Variants in SLAIN1 observed in about 807,000 individuals in gnomAD.
SLAIN1 encodes SLAIN motif-containing protein 1.
A neutral mutation model predicts 55.4 loss-of-function variants in SLAIN1; 17 were observed. The ratio of observed to expected loss-of-function variants is 0.31; its 90% confidence interval spans 0.21 to 0.46. The LOEUF is 0.46. Among genes scored for constraint, SLAIN1 ranks in the 20% least tolerant of loss-of-function variants. The pLI is 1.00. For missense variants in SLAIN1, 682 were observed against 785.1 expected (o/e 0.87, Z 1.57); for synonymous variants, 348 against 337.4 (o/e 1.03, Z -0.35).
At chr13:77,705,907 G>C (rs922510429) in intron 1 of SLAIN1, among the ~76,000 whole-genome samples, 1 of 151,950 alleles carries the variant, frequency 6.6e-6, no homozygotes, top group Non-Finnish European at 1.5e-5. Flanking sequence ...TAGGCTCAAA[G>C]CTATCCTGCT....
Position 77,698,361 on chromosome 13 carries a change from T to C in SLAIN1, c.448T>C (p.Phe150Leu). 1.4e-6 allele frequency: 2 copies of C among 1,440,728 alleles called. No individual in the cohort carries two copies. Among genetic ancestry groups the C allele is most frequent in the East Asian group, 3.1e-5 (1 of 32,028 alleles). The allele number at this position is 1,440,728 out of a possible 1,614,324, so 89.2% of individuals were successfully genotyped here. The change falls in exon 1 of 7, where the codon TTC (phenylalanine) becomes CTC (leucine). Residue 150 changes from phenylalanine (F) to leucine (L), a missense_variant. Transcript: ENST00000418532. The surrounding 1 kb of genome is among the most constrained non-coding windows in gnomAD (Gnocchi z 4.1). ...AQPPEAPFVY[F>L]KPAAGFFGAG... ...GCCACCCGAGGCGCCCTTCGTCTAC[T>C]TCAAGCCGGCAGCAGGCTTCTTCGG...
chr13:77,725,873 CT>C (rs538550107), intron 2 of SLAIN1, among the ~76,000 whole-genome samples: 344 of 152,292 alleles, frequency 2.3e-3, no homozygotes, highest in Non-Finnish European at 2.7e-3. Flanking sequence ...AGGTTGGTTT[CT>C]GTAGGTCCAT....
intron 2 of SLAIN1, among the ~76,000 whole-genome samples, chr13:77,724,723 A>T (rs1398495981): frequency 6.6e-6 from 1 of 151,388 alleles, no homozygotes; most frequent in Admixed American, 6.6e-5. Context: ...GGTTTCAATA[A>T]TTCTCTAATA....
At chr13:77,709,728 C>T (rs531834869) in intron 1 of SLAIN1, among the ~76,000 whole-genome samples, 1 of 152,264 alleles carries the variant, frequency 6.6e-6, no homozygotes, top group East Asian at 1.9e-4. Context: ...ACCTCCAGTC[C>T]TGCCTTACAA....
chr13:77,746,228 G>A (rs1031701479), intron 3 of SLAIN1, among the ~76,000 whole-genome samples: 1 of 152,062 alleles, frequency 6.6e-6, no homozygotes, highest in Non-Finnish European at 1.5e-5. Context: ...ATTTGAAAAG[G>A]GGAAATTGAT....
intron 1 of SLAIN1, among the ~76,000 whole-genome samples, chr13:77,707,059 C>T (rs558135255): frequency 3.3e-5 from 5 of 152,024 alleles, no homozygotes; most frequent in African/African-American, 1.2e-4. Context: ...CTGACTTCCA[C>T]TCTGGAAATT....
chr13:77,697,777 C>T lies in SLAIN1; in HGVS notation c.-137C>T, dbSNP rs979441379. The T allele has an allele frequency of 1.1e-6, 1 of 939,346 alleles. No individual in the cohort carries two copies. The highest frequency in any genetic ancestry group is 1.3e-6 in the Non-Finnish European group (1 of 745,018). 58.2% of individuals were successfully genotyped at this position (939,346 alleles called of 1,614,324 possible). Reference sequence around the variant, plus strand: ...GAGGGCCCGGTGCTGATGCGAACCGCCGGCTCGGCCTCAGCCCGCGCGTGG... The same window carrying T: ...GAGGGCCCGGTGCTGATGCGAACCGTCGGCTCGGCCTCAGCCCGCGCGTGG... On this transcript the variant is annotated 5_prime_UTR_variant, in exon 1 of 7. Transcript: ENST00000418532.
chr13:77,740,649 T>C (rs1873376625), intron 2 of SLAIN1, among the ~76,000 whole-genome samples: 1 of 151,894 alleles, frequency 6.6e-6, no homozygotes, highest in Admixed American at 6.6e-5. Flanking sequence ...CTCCTTTCTT[T>C]AGAGCTATTT....
intron 2 of SLAIN1, chr13:77,741,636 AG>A (rs1413329115): frequency 1.2e-5 from 2 of 160,094 alleles, no homozygotes; most frequent in South Asian, 2.0e-4. Flanking sequence ...ATGATTCTGA[AG>A]TAAAAGGAAT....
intron 2 of SLAIN1, among the ~76,000 whole-genome samples, chr13:77,731,842 T>C (rs370866193): frequency 6.6e-6 from 1 of 152,120 alleles, no homozygotes; most frequent in Non-Finnish European, 1.5e-5. Context: ...AAGGCGATGA[T>C]TGGATTTTCT....
At chr13:77,757,014 T>G (rs1874654215) in intron 5 of SLAIN1, among the ~76,000 whole-genome samples, 1 of 152,150 alleles carries the variant, frequency 6.6e-6, no homozygotes, top group African/African-American at 2.4e-5. Context: ...ATGTATGTAT[T>G]TTATGTATAT....
At chr13:77,733,086 C>T (rs1260139868) in intron 2 of SLAIN1, among the ~76,000 whole-genome samples, 1 of 152,060 alleles carries the variant, frequency 6.6e-6, no homozygotes, top group Non-Finnish European at 1.5e-5. Context: ...ACCTTTTAAA[C>T]TTAGTGTCAA....
At chr13:77,702,323 A>G (rs1021668716) in intron 1 of SLAIN1, among the ~76,000 whole-genome samples, 1 of 152,160 alleles carries the variant, frequency 6.6e-6, no homozygotes, top group Non-Finnish European at 1.5e-5. Flanking sequence ...GCCATTGGCT[A>G]GAAAGGAAAA....
At chr13:77,751,144 GACC>G (rs1874179860) in intron 4 of SLAIN1, among the ~76,000 whole-genome samples, 2 of 152,050 alleles carry the variant, frequency 1.3e-5, no homozygotes, top group South Asian at 4.1e-4. Context: ...GAAAGAAAAT[GACC>G]ACAAGATTGA....
At chr13:77,737,838 A>G (rs1215129162) in intron 2 of SLAIN1, among the ~76,000 whole-genome samples, 1 of 152,080 alleles carries the variant, frequency 6.6e-6, no homozygotes, top group East Asian at 1.9e-4. Context: ...CTTCTGTAGT[A>G]GCTGGTCTTT....
intron 1 of SLAIN1, among the ~76,000 whole-genome samples, chr13:77,713,097 C>T (rs185567086): frequency 2.1e-4 from 32 of 152,182 alleles, no homozygotes; most frequent in Non-Finnish European, 3.1e-4. Context: ...GACCTAAAAC[C>T]GTAAAAACCC....
At chr13:77,731,135 A>T (rs1392641632) in intron 2 of SLAIN1, among the ~76,000 whole-genome samples, 1 of 152,110 alleles carries the variant, frequency 6.6e-6, no homozygotes, top group African/African-American at 2.4e-5. Flanking sequence ...TCTTTGACAG[A>T]TCCTCAGGAT....
chr13:77,743,712 C>T lies in SLAIN1; in HGVS notation c.767-571C>T, dbSNP rs183875239. 2.8e-4 allele frequency among the ~76,000 whole-genome samples: 43 copies of T among 151,408 alleles called. 1 individual carries two copies. The East Asian group carries it at 6.2e-3, about 22-fold the overall frequency. On this transcript the variant is annotated intron_variant, in intron 2 of 6. Coordinates refer to ENST00000418532, the MANE Select transcript of SLAIN1 (RefSeq NM_001242868.2). ...TCCTCATGGGTGGCTATAAGTCTCC[C>T]GTGACTACTCTCTGGTCTATATTAT...
At chr13:77,753,731 T>G (rs1263910708) in intron 5 of SLAIN1, among the ~76,000 whole-genome samples, 1 of 152,180 alleles carries the variant, frequency 6.6e-6, no homozygotes, top group Non-Finnish European at 1.5e-5. Context: ...ATACAAAAAT[T>G]GTTTTCCTTG....
Sources: allele counts gnomAD v4.1 joint callset (sites outside exome capture counted in the v4.1 genomes callset), GRCh38; gene constraint gnomAD v4.1.1; non-coding constraint Gnocchi (gnomAD v3.1); transcripts MANE v1.5; gene names NCBI Gene and HGNC (gene_info 2026-07-23, HGNC 2026-07-21).